Variants in AZIN1 observed in about 807,000 individuals in gnomAD.
The protein encoded by AZIN1 is ornithine decarboxylase antizyme inhibitor.
In AZIN1, 12 loss-of-function variants were observed where a neutral mutation model predicts 47.4. The ratio of observed to expected loss-of-function variants is 0.25; its 90% CI spans 0.16 to 0.41. The LOEUF is 0.41. AZIN1 is among the 10% of genes least tolerant of loss of function. The probability of loss-of-function intolerance (pLI) is 1.00; values close to 1 mark genes in which losing one functional copy is unlikely to be tolerated. For missense variants in AZIN1, 410 were observed against 532.4 expected (o/e 0.77, Z 2.26); for synonymous variants, 155 against 176.3 (o/e 0.88, Z 0.96).
At chr8:102,831,252 C>G (rs1811438579) in intron 9 of AZIN1, among the ~76,000 whole-genome samples, 1 of 151,808 alleles carries the variant, frequency 6.6e-6, no homozygotes, top group Non-Finnish European at 1.5e-5. Context: ...TGAGTCTAAA[C>G]TCATAAACAG....
chr8:102,852,242 A>G (rs988162523), intron 2 of AZIN1, among the ~76,000 whole-genome samples: 1 of 152,208 alleles, frequency 6.6e-6, no homozygotes, highest in Non-Finnish European at 1.5e-5. Context: ...TCCTTGCAGT[A>G]AAGAGCAAGA....
chr8:102,850,166 C>T (rs1289268205), intron 2 of AZIN1: 1 of 152,160 alleles, frequency 6.6e-6, no homozygotes, highest in African/African-American at 2.4e-5. Flanking sequence ...ACAGGGAGAG[C>T]TGAAAGGTTG....
At position 102,839,734 on chromosome 8, in the gene AZIN1, T is replaced by C. The variant is rs773497337; in HGVS notation, c.192A>G (p.Pro64=). 3 of 1,610,486 alleles carry C rather than the reference T, an allele frequency of 1.9e-6. No individual in the cohort carries two copies. The highest frequency in any genetic ancestry group is 2.5e-6 in the Non-Finnish European group (3 of 1,178,094). ...CAGAGTTGCACTTCACTGTGTAGAA[T>C]GGCTTTATCTGAGCCACTACATTCT... The part of the protein sequence containing the change: ...QWQNVVAQIK[P]FYTVKCNSAP... Residue 64 remains proline, a synonymous_variant, in exon 4 of 12, where the codon CCA becomes CCG. Coordinates refer to ENST00000337198, the MANE Select transcript of AZIN1 (RefSeq NM_148174.4).
At chr8:102,863,103 C>T (rs867191408) in intron 1 of AZIN1, among the ~76,000 whole-genome samples, 2 of 152,368 alleles carry the variant, frequency 1.3e-5, no homozygotes, top group African/African-American at 4.8e-5. Context: ...GGCGGAGCAG[C>T]AGCCTCGAGG....
intron 3 of AZIN1, among the ~76,000 whole-genome samples, chr8:102,840,730 C>T (rs543696888): frequency 2.0e-5 from 3 of 152,248 alleles, no homozygotes; most frequent in East Asian, 1.9e-4. Context: ...TTATTTAGGA[C>T]GTACAACATC....
intron 1 of AZIN1, among the ~76,000 whole-genome samples, chr8:102,863,017 T>C (rs1317649153): frequency 1.3e-5 from 2 of 152,188 alleles, no homozygotes; most frequent in Non-Finnish European, 2.9e-5. Context: ...AACGAAGCCA[T>C]GGTGACTAAT....
At chr8:102,841,173 A>T (rs1386048171) in intron 3 of AZIN1, among the ~76,000 whole-genome samples, 1 of 152,248 alleles carries the variant, frequency 6.6e-6, no homozygotes, top group East Asian at 1.9e-4. Context: ...ATAAGTTAGG[A>T]GGTCACTATA....
chr8:102,850,672 C>T (rs931374625), intron 2 of AZIN1, among the ~76,000 whole-genome samples: 7 of 152,276 alleles, frequency 4.6e-5, no homozygotes, highest in African/African-American at 7.2e-5. Context: ...CAACAGCCTA[C>T]ATTGAGTACT....
intron 2 of AZIN1, among the ~76,000 whole-genome samples, chr8:102,857,635 T>C (rs2131283102): frequency 6.6e-6 from 1 of 152,242 alleles, no homozygotes; most frequent in East Asian, 1.9e-4. Flanking sequence ...TCTATCTCTA[T>C]CATCTTTCAG....
At chr8:102,843,107 C>G (rs1812323840) in intron 3 of AZIN1, among the ~76,000 whole-genome samples, 1 of 148,068 alleles carries the variant, frequency 6.8e-6, no homozygotes, top group African/African-American at 2.5e-5. Flanking sequence ...ATTCAGGAGG[C>G]TGAGAGAGAA....
chr8:102,839,900 C>T, intron 3 of AZIN1, 77 bp from the exon 4 acceptor site: 2 of 992,434 alleles, frequency 2.0e-6, no homozygotes, highest in Non-Finnish European at 2.9e-6. Context: ...GGAAAGAACA[C>T]CTCTTTTCCT....
At chr8:102,862,721 G>A (rs1813765487) in intron 1 of AZIN1, among the ~76,000 whole-genome samples, 1 of 152,142 alleles carries the variant, frequency 6.6e-6, no homozygotes, top group Admixed American at 6.5e-5. Context: ...TTCCCACCCA[G>A]TCTGGGAATT....
rs1437433147 is a variant in AZIN1, at chr8:102,828,091, C to G, written c.*476G>C. The stretch of plus-strand genomic sequence containing the variant: ...ATGCAATTTTACATTTATTAAACTA[C>G]AGTTCAAAGCACAAATTTACACATT... On this transcript the variant is annotated 3_prime_UTR_variant, in exon 12 of 12. Coordinates refer to ENST00000337198, the MANE Select transcript of AZIN1 (RefSeq NM_148174.4). 2 of 152,690 alleles carry G rather than the reference C, an allele frequency of 1.3e-5. No individual in the cohort carries two copies. Among genetic ancestry groups the G allele is most frequent in the Admixed American group, 1.3e-4 (2 of 15,272 alleles). 9.5% of individuals were successfully genotyped at this position (152,690 alleles called of 1,614,324 possible).
chr8:102,845,496 T>C (rs968557656), intron 2 of AZIN1, among the ~76,000 whole-genome samples: 6 of 152,172 alleles, frequency 3.9e-5, no homozygotes, highest in African/African-American at 1.4e-4. Flanking sequence ...AGCCTGCACA[T>C]TCTCTAAAGA....
intron 2 of AZIN1, chr8:102,850,035 A>G (rs1245237325): frequency 6.6e-6 from 1 of 152,222 alleles, no homozygotes; most frequent in East Asian, 1.9e-4. Context: ...TGTACTTCAG[A>G]AGAAACTGAT....
Position 102,838,852 on chromosome 8 carries a change from C to T in AZIN1, c.341G>A (p.Cys114Tyr), listed in dbSNP as rs777195334. Residue 114 changes from cysteine (C) to tyrosine (Y), a missense_variant, in exon 5 of 12, where the codon TGC (cysteine) becomes TAC (tyrosine). By Grantham distance (194) the Cys-to-Tyr change is radical. Around this residue, in one of 3 missense-constraint regions of AZIN1, gnomAD observed 237 missense variants for 309.4 expected, o/e 0.77. Coordinates refer to ENST00000337198, the MANE Select transcript of AZIN1 (RefSeq NM_148174.4). Reference protein sequence around the residue: ...PPENIIYISPCKQVSQIKYAA... With the variant: ...PPENIIYISPYKQVSQIKYAA... The stretch of plus-strand genomic sequence containing the variant: ...ATACTTTATCTGAGACACTTGCTTG[C>T]AAGGACTTATGTAAATAATGTTTTC... The T allele has an allele frequency of 6.2e-7, 1 of 1,613,988 alleles. No individual in the cohort carries two copies. Among genetic ancestry groups the T allele is most frequent in the South Asian group, 1.1e-5 (1 of 91,046 alleles).
Position 102,826,915 on chromosome 8 carries a change from A to G in AZIN1, c.*1652T>C, listed in dbSNP as rs775902342. On this transcript the variant is annotated 3_prime_UTR_variant, in exon 12 of 12. Transcript: ENST00000337198. ...TCCAAGGGCAATTTGATGGCAATGG[A>G]TTGGGGCCCTATATATATATATTTT... The G allele has an allele frequency of 6.6e-6, 1 of 152,578 alleles. No homozygotes were observed. The highest frequency in any genetic ancestry group is 6.5e-5 in the Admixed American group (1 of 15,268). 9.5% of individuals were successfully genotyped at this position (152,578 alleles called of 1,614,324 possible).
At chr8:102,833,475 T>C (rs1449253351) in intron 8 of AZIN1, among the ~76,000 whole-genome samples, 1 of 151,900 alleles carries the variant, frequency 6.6e-6, no homozygotes. Context: ...TGTTTTTGTT[T>C]TTTTTTAAGT....
intron 8 of AZIN1, 107 bp from the exon 9 acceptor site, chr8:102,833,325 A>G (rs1316875401): frequency 2.0e-6 from 2 of 1,015,500 alleles, no homozygotes; most frequent in Non-Finnish European, 2.8e-6. Context: ...AGCAGTTCCA[A>G]TCACAGATCA....
Sources: gnomAD v4.1 joint callset for allele counts (sites outside exome capture counted in the v4.1 genomes callset) on GRCh38, gnomAD v4.1.1 for gene constraint, gnomAD v4.1.1 regional missense constraint, MANE v1.5 for transcripts, NCBI Gene and HGNC (gene_info 2026-07-23, HGNC 2026-07-21) for gene names.